The following RPTOR variants were observed in gnomAD, a reference collection of about 807,000 sequenced individuals.
RPTOR encodes regulatory-associated protein of mTOR.
A neutral mutation model predicts 169.9 loss-of-function variants in RPTOR; 21 were observed. That is an observed-to-expected ratio of 0.12 (90% CI 0.09 to 0.18). RPTOR has a LOEUF of 0.18. RPTOR is among the 10% of genes least tolerant of loss of function. The pLI is 1.00. For synonymous variants in RPTOR, 732 were observed against 753.2 expected, an observed-to-expected ratio of 0.97 and a Z score of 0.46; for missense variants, 1,133 against 1,855.9, an observed-to-expected ratio of 0.61 and a Z score of 7.16.
chr17:80,703,229 G>T (rs1344075875), intron 3 of RPTOR, among the ~76,000 whole-genome samples: 1 of 152,190 alleles, frequency 6.6e-6, no homozygotes, highest in African/African-American at 2.4e-5. Context: ...AGTTGACAGC[G>T]CTTTTTCCTT....
rs537752981 is a variant in RPTOR, at chr17:80,782,044, G to T, written c.831-9406G>T. Reference sequence around the variant, plus strand: ...TGACTGATTCTTAAATGATCTGCGCGAGGCGGCCCTGGAGCCTACAGCAGC... The same window carrying T: ...TGACTGATTCTTAAATGATCTGCGCTAGGCGGCCCTGGAGCCTACAGCAGC... On this transcript the variant is annotated intron_variant, in intron 6 of 33. Coordinates refer to ENST00000306801, the MANE Select transcript of RPTOR (RefSeq NM_020761.3). Among the ~76,000 whole-genome samples the T allele has an allele frequency of 2.4e-4, 37 of 152,344 alleles. No individual in the cohort carries two copies. The South Asian group carries it at 6.6e-3, about 27-fold the overall frequency.
intron 3 of RPTOR, among the ~76,000 whole-genome samples, chr17:80,693,541 C>T (rs891323303): frequency 4.6e-5 from 7 of 152,190 alleles, no homozygotes; most frequent in South Asian, 2.1e-4. Context: ...AGGAAAGAGT[C>T]GATGATTTTA....
intron 24 of RPTOR, among the ~76,000 whole-genome samples, chr17:80,930,048 T>TCATCC (rs1439181672): frequency 2.0e-4 from 13 of 65,874 alleles, no homozygotes; most frequent in Non-Finnish European, 3.3e-4. Context: ...TCATCCTCAG[T>TCATCC]TCAGTTCAGC....
rs993027997 is a variant in RPTOR at position 80,844,540 on chromosome 17, C to G, written c.1213-1933C>G. Among the ~76,000 whole-genome samples, 5 of 152,120 alleles carry G rather than the reference C, an allele frequency of 3.3e-5. No homozygotes were observed. Among genetic ancestry groups the G allele is most frequent in the African/African-American group, 1.2e-4 (5 of 41,386 alleles). On this transcript the variant is annotated intron_variant, in intron 10 of 33. Transcript: ENST00000306801. This position sits in a 1 kb window ranked among gnomAD's most constrained non-coding sequence, Gnocchi z 4.7. ...TTTTTTAACCAATTTATGAATAATT[C>G]ACACTTGAAAACAGGAAAATCACTC...
chr17:80,810,296 T>TA (rs1177290187), intron 7 of RPTOR, among the ~76,000 whole-genome samples: 1 of 152,206 alleles, frequency 6.6e-6, no homozygotes, highest in Non-Finnish European at 1.5e-5. Flanking sequence ...GATTAACTTT[T>TA]AAGTCTGCGA....
At chr17:80,876,562 G>A (rs1212049720) in intron 13 of RPTOR, among the ~76,000 whole-genome samples, 1 of 117,892 alleles carries the variant, frequency 8.5e-6, no homozygotes, top group South Asian at 2.9e-4. Flanking sequence ...CCTGTGCCAC[G>A]CAGGGTGTGT....
rs1040737468 is a variant in RPTOR, at chr17:80,878,280, G to A, written c.1510-2135G>A. Among the ~76,000 whole-genome samples, 1 of 152,098 alleles carries A rather than the reference G, an allele frequency of 6.6e-6. No individual in the cohort carries two copies. The highest frequency in any genetic ancestry group is 6.5e-5 in the Admixed American group (1 of 15,280). ...CCAAGAAACACAGCATCCATGATTT[G>A]TACATCGCACTGCAGTTTCAGACTG... On this transcript the variant is annotated intron_variant, in intron 13 of 33. Coordinates refer to ENST00000306801, the MANE Select transcript of RPTOR (RefSeq NM_020761.3). The surrounding 1 kb of genome is among the most constrained non-coding windows in gnomAD (Gnocchi z 4.1).
chr17:80,622,273 G>C (rs1240693373), intron 1 of RPTOR, among the ~76,000 whole-genome samples: 1 of 152,216 alleles, frequency 6.6e-6, no homozygotes, highest in Admixed American at 6.5e-5. Flanking sequence ...AAAGTGTTGT[G>C]AGGCAGGTGT....
chr17:80,912,179 G>A (rs2143943367), intron 21 of RPTOR, among the ~76,000 whole-genome samples: 1 of 152,328 alleles, frequency 6.6e-6, no homozygotes, highest in African/African-American at 2.4e-5. Context: ...AATGGTTTAA[G>A]TTTTTAGAAT....
intron 1 of RPTOR, among the ~76,000 whole-genome samples, chr17:80,558,521 G>A (rs11150863): frequency 0.24 from 36,377 of 152,036 alleles, 5,313 homozygotes; most frequent in East Asian, 0.42. Flanking sequence ...TCAAACTGAC[G>A]GAAAACCTGT....
intron 1 of RPTOR, among the ~76,000 whole-genome samples, chr17:80,618,548 G>A (rs1034286205): frequency 6.6e-6 from 1 of 152,168 alleles, no homozygotes; most frequent in African/African-American, 2.4e-5. Flanking sequence ...CCGTGGGCGA[G>A]GCCTCCTCAT....
At chr17:80,605,089 T>C (rs1313927224) in intron 1 of RPTOR, among the ~76,000 whole-genome samples, 1 of 152,202 alleles carries the variant, frequency 6.6e-6, no homozygotes, top group Non-Finnish European at 1.5e-5. Flanking sequence ...GAGTAAGGTA[T>C]GGCCAAGACG....
At position 80,948,000 on chromosome 17, in the gene RPTOR, G is replaced by A. The variant is rs573100647; in HGVS notation, c.3265+649G>A. ...CCATGTCAGTTACCCCACGTTGACA[G>A]TCATTTTCCTTTAGCGCTTTGAAAA... is the stretch of plus-strand genomic sequence containing the variant. On this transcript the variant is annotated intron_variant, in intron 27 of 33. Transcript: ENST00000306801. This position sits in a 1 kb window ranked among gnomAD's most constrained non-coding sequence, Gnocchi z 4.4. Among the ~76,000 whole-genome samples, 11 of 152,376 alleles carry A rather than the reference G, an allele frequency of 7.2e-5. No individual in the cohort carries two copies. The highest frequency in any genetic ancestry group is 1.3e-4 in the Non-Finnish European group (9 of 68,046).
In RPTOR at chr17:80,725,743, C is replaced by T. The variant is rs545435139; in HGVS notation, c.508-4817C>T. Among the ~76,000 whole-genome samples the T allele has an allele frequency of 1.7e-4, 26 of 152,290 alleles. No individual in the cohort carries two copies. In the South Asian group the frequency reaches 3.5e-3, roughly 21 times the overall value. On this transcript the variant is annotated intron_variant, in intron 4 of 33. Transcript: ENST00000306801. ...GAGATGGGAAATGAGGTCTGCATCC[C>T]GTGTTCTAATCAGGATTCGCTATCA...
intron 3 of RPTOR, among the ~76,000 whole-genome samples, chr17:80,686,086 G>A (rs1489616057): frequency 6.6e-6 from 1 of 152,054 alleles, no homozygotes; most frequent in Non-Finnish European, 1.5e-5. Flanking sequence ...GGATTGGGAG[G>A]ATGGGCCATG....
intron 1 of RPTOR, among the ~76,000 whole-genome samples, chr17:80,585,266 G>A (rs1245863672): frequency 6.7e-6 from 1 of 150,370 alleles, no homozygotes; most frequent in Non-Finnish European, 1.5e-5. Flanking sequence ...GTGCAGTGGT[G>A]CGATCTCGAC....
chr17:80,782,864 G>T (rs1402672986), intron 6 of RPTOR, among the ~76,000 whole-genome samples: 1 of 152,182 alleles, frequency 6.6e-6, no homozygotes, highest in African/African-American at 2.4e-5. Context: ...TAGTTTCTTA[G>T]GTAAAAACAC....
At position 80,857,787 on chromosome 17, in the gene RPTOR, C is replaced by T. The variant is rs2067871091; in HGVS notation, c.1399-3C>T. On this transcript the variant is annotated splice_region_variant and splice_polypyrimidine_tract_variant and intron_variant, in intron 12 of 33. Coordinates refer to ENST00000306801, the MANE Select transcript of RPTOR (RefSeq NM_020761.3). ...GTGCGCTGACGCCCTCCCTCGCCCC[C>T]AGGCCTTGTCTGTCGGCATCTTCCC... 1 of 1,607,294 alleles carries T rather than the reference C, an allele frequency of 6.2e-7. No individual in the cohort carries two copies. Among genetic ancestry groups the T allele is most frequent in the African/African-American group, 1.3e-5 (1 of 74,888 alleles).
At chr17:80,793,801 A>G (rs928692831) in intron 7 of RPTOR, among the ~76,000 whole-genome samples, 3 of 152,220 alleles carry the variant, frequency 2.0e-5, no homozygotes, top group African/African-American at 7.2e-5. Context: ...GACAACAAAA[A>G]TTTGTTTTAG....
Sources: allele counts gnomAD v4.1 joint callset (sites outside exome capture counted in the v4.1 genomes callset), GRCh38; gene constraint gnomAD v4.1.1; non-coding constraint Gnocchi (gnomAD v3.1); transcripts MANE v1.5; gene names NCBI Gene and HGNC (gene_info 2026-07-23, HGNC 2026-07-21).